MBOAT2: variants seen among roughly 807,000 people sequenced by gnomAD.
The protein encoded by MBOAT2 is membrane-bound glycerophospholipid O-acyltransferase 2.
A neutral mutation model predicts 63.4 loss-of-function variants in MBOAT2; 28 were observed. The ratio of observed to expected loss-of-function variants is 0.44; its 90% CI spans 0.33 to 0.61. MBOAT2 has a LOEUF of 0.61. MBOAT2 is among the 20% of genes least tolerant of loss of function. The pLI, the probability that MBOAT2 is intolerant of heterozygous loss-of-function variation, is 0.03. For missense variants in MBOAT2, 470 were observed against 605.8 expected (o/e 0.78, Z 2.35); for synonymous variants, 211 against 215.6 (o/e 0.98, Z 0.19).
chr2:8,946,656 T>C (rs1274303041), intron 2 of MBOAT2, among the ~76,000 whole-genome samples: 1 of 152,226 alleles, frequency 6.6e-6, no homozygotes, highest in Non-Finnish European at 1.5e-5. Context: ...TCAAACTTTT[T>C]CAATATTATT....
chr2:8,914,356 T>C (rs979955812), intron 3 of MBOAT2, among the ~76,000 whole-genome samples: 1 of 152,172 alleles, frequency 6.6e-6, no homozygotes, highest in Non-Finnish European at 1.5e-5. Flanking sequence ...AACATTCATA[T>C]TGGAACTACA....
chr2:8,943,388 A>T (rs1244286778), intron 2 of MBOAT2, 124 bp from the exon 3 acceptor site: 1 of 512,462 alleles, frequency 2.0e-6, no homozygotes, highest in Non-Finnish European at 3.4e-6. Context: ...TAAGGAATGA[A>T]ACTTCAGGAG....
chr2:8,884,397 G>A (rs1663389447), intron 5 of MBOAT2, among the ~76,000 whole-genome samples: 2 of 150,278 alleles, frequency 1.3e-5, no homozygotes, highest in South Asian at 4.2e-4. Context: ...AACATTATCA[G>A]GATTTAAACC....
At chr2:8,932,714 C>T (rs750912053) in intron 3 of MBOAT2, among the ~76,000 whole-genome samples, 2 of 150,746 alleles carry the variant, frequency 1.3e-5, no homozygotes, top group Non-Finnish European at 2.9e-5. Context: ...ACTTCCTACA[C>T]GGGATTGTTT....
chr2:8,933,245 T>C (rs951331748), intron 3 of MBOAT2, among the ~76,000 whole-genome samples: 2 of 152,182 alleles, frequency 1.3e-5, no homozygotes, highest in Admixed American at 1.3e-4. Context: ...AAGAGTAATA[T>C]TCTTATTTTA....
intron 1 of MBOAT2, among the ~76,000 whole-genome samples, chr2:8,995,202 G>A (rs1431417731): frequency 2.0e-5 from 3 of 152,096 alleles, no homozygotes; most frequent in Non-Finnish European, 4.4e-5. Context: ...CTGCACTCCA[G>A]CCTATCTCAA....
In MBOAT2 at chr2:8,858,860, A is replaced by G. The variant is rs199729641; in HGVS notation, c.1382T>C (p.Leu461Ser). The G allele has an allele frequency of 2.2e-5, 36 of 1,613,596 alleles. No homozygotes were observed. The East Asian group carries it at 6.7e-4, about 30-fold the overall frequency. The change falls in exon 13 of 13, where the codon TTG becomes TCG. Residue 461 changes from leucine to serine, a missense_variant. Physicochemically the swap from Leu to Ser is moderately radical, Grantham distance 145. Transcript: ENST00000305997. ...CLHILGILVL[L>S]LLPVKKTQRR... ...TTGAGTTTTTTTCACTGGCAACAACAATAATACTAAGATACCAAGAATGTG... is the reference window on the plus strand; with the variant it reads ...TTGAGTTTTTTTCACTGGCAACAACGATAATACTAAGATACCAAGAATGTG...
chr2:8,928,459 T>A (rs777632827), intron 3 of MBOAT2, among the ~76,000 whole-genome samples: 91 of 152,288 alleles, frequency 6.0e-4, no homozygotes, highest in Non-Finnish European at 8.5e-4. Flanking sequence ...CCAAGAGGCA[T>A]GAATGAATTC....
intron 5 of MBOAT2, among the ~76,000 whole-genome samples, chr2:8,883,878 T>G (rs1418908216): frequency 6.6e-6 from 1 of 151,776 alleles, no homozygotes; most frequent in African/African-American, 2.4e-5. Flanking sequence ...CTTTTGACAA[T>G]TATGTAAAAA....
intron 2 of MBOAT2, 32 bp from the exon 3 acceptor site, chr2:8,943,296 G>C (rs909560998): frequency 1.5e-6 from 2 of 1,332,642 alleles, no homozygotes; most frequent in East Asian, 4.8e-5. Flanking sequence ...TTAGAAGAGG[G>C]ATGCCAAGTC....
intron 4 of MBOAT2, among the ~76,000 whole-genome samples, chr2:8,903,352 C>T (rs1227989539): frequency 6.6e-6 from 1 of 152,196 alleles, no homozygotes; most frequent in Non-Finnish European, 1.5e-5. Flanking sequence ...ACAGTGCCTG[C>T]TTAATAAACC....
intron 1 of MBOAT2, among the ~76,000 whole-genome samples, chr2:8,967,120 A>G (rs1215923915): frequency 6.6e-6 from 1 of 152,198 alleles, no homozygotes; most frequent in Non-Finnish European, 1.5e-5. Flanking sequence ...AAAAGCAAGC[A>G]ATAAACCATA....
At chr2:8,955,014 T>C (rs1477870170) in intron 2 of MBOAT2, among the ~76,000 whole-genome samples, 1 of 152,170 alleles carries the variant, frequency 6.6e-6, no homozygotes, top group Admixed American at 6.5e-5. Flanking sequence ...TTAGCAGCTC[T>C]CCTCCTGCCC....
chr2:8,902,825 A>G (rs1245194200), intron 4 of MBOAT2, among the ~76,000 whole-genome samples: 3 of 152,192 alleles, frequency 2.0e-5, no homozygotes, highest in Non-Finnish European at 4.4e-5. Flanking sequence ...GTGAAGAGCA[A>G]AAGAACAAAA....
At chr2:8,867,509 T>C (rs1431144155) in intron 9 of MBOAT2, among the ~76,000 whole-genome samples, 1 of 152,182 alleles carries the variant, frequency 6.6e-6, no homozygotes, top group African/African-American at 2.4e-5. Context: ...ATCTGCCTCG[T>C]GGACAACTCA....
At chr2:8,971,551 C>G (rs1670458819) in intron 1 of MBOAT2, among the ~76,000 whole-genome samples, 1 of 152,164 alleles carries the variant, frequency 6.6e-6, no homozygotes, top group African/African-American at 2.4e-5. Context: ...AAAGGGTATT[C>G]AGTTAGGAAA....
chr2:8,900,221 GGGAT>G (rs1664811717), intron 4 of MBOAT2, among the ~76,000 whole-genome samples: 1 of 151,380 alleles, frequency 6.6e-6, no homozygotes. Context: ...ATCCATACTG[GGGAT>G]GGCTTGCTGA....
chr2:8,860,574 A>G (rs201394846), intron 12 of MBOAT2, 39 bp downstream of exon 12: 118 of 1,592,802 alleles, frequency 7.4e-5, no homozygotes, highest in Non-Finnish European at 9.7e-5. Flanking sequence ...TTGAAAATAG[A>G]GTTATTCCCA....
chr2:8,860,577 T>A, intron 12 of MBOAT2, 36 bp downstream of exon 12: 1 of 1,598,336 alleles, frequency 6.3e-7, no homozygotes, highest in East Asian at 2.2e-5. Flanking sequence ...AAAATAGAGT[T>A]ATTCCCACTG....
Sources: gnomAD v4.1 joint callset for allele counts (sites outside exome capture counted in the v4.1 genomes callset) on GRCh38, gnomAD v4.1.1 for gene constraint, MANE v1.5 for transcripts, NCBI Gene and HGNC (gene_info 2026-07-23, HGNC 2026-07-21) for gene names.